KCNK2: variants seen among roughly 807,000 people sequenced by gnomAD.
KCNK2 encodes potassium channel subfamily K member 2.
A neutral mutation model predicts 40.5 loss-of-function variants in KCNK2; 21 were observed. The ratio of observed to expected loss-of-function variants is 0.52; its 90% CI spans 0.37 to 0.75. The LOEUF is 0.75. Ranked by LOEUF, KCNK2 falls within the 30% of genes least tolerant of loss-of-function variation. KCNK2 has a pLI of 0.00. For synonymous variants in KCNK2, 191 were observed against 202.2 expected, an observed-to-expected ratio of 0.94 and a Z score of 0.47; for missense variants, 399 against 531.6, an observed-to-expected ratio of 0.75 and a Z score of 2.45.
chr1:215,198,752 A>G (rs1448862995), intron 6 of KCNK2, among the ~76,000 whole-genome samples: 2 of 152,178 alleles, frequency 1.3e-5, no homozygotes, highest in Admixed American at 1.3e-4. Flanking sequence ...GAATAAAAAC[A>G]CTAAACATTT....
intron 4 of KCNK2, among the ~76,000 whole-genome samples, chr1:215,169,918 T>TTACA (rs1425968789): frequency 6.6e-6 from 1 of 152,142 alleles, no homozygotes; most frequent in Admixed American, 6.6e-5. Flanking sequence ...AGTGCTGGGA[T>TTACA]TACAGGCTTG....
At chr1:215,232,194 T>G (rs573680059) in intron 6 of KCNK2, among the ~76,000 whole-genome samples, 2 of 152,312 alleles carry the variant, frequency 1.3e-5, no homozygotes, top group Non-Finnish European at 2.9e-5. Context: ...TCTATCCAAA[T>G]GTTCATCAAT....
intron 2 of KCNK2, among the ~76,000 whole-genome samples, chr1:215,106,614 G>A (rs1660448739): frequency 6.6e-6 from 1 of 151,992 alleles, no homozygotes; most frequent in Admixed American, 6.6e-5. Flanking sequence ...GTCAATTTTT[G>A]TTTTTGATGC....
intron 3 of KCNK2, among the ~76,000 whole-genome samples, chr1:215,156,100 A>T (rs192278370): frequency 1.3e-4 from 19 of 151,920 alleles, no homozygotes; most frequent in Middle Eastern, 3.4e-3. Context: ...TATATAATGT[A>T]ATCAATCAGT....
rs190419412 is a variant in KCNK2, at chr1:215,043,079, A to C, written c.34+37124A>C. On this transcript the variant is annotated intron_variant, in intron 1 of 6. Transcript: ENST00000391895. The stretch of plus-strand genomic sequence containing the variant: ...ATGTGCCCTCACAGGTCTAGCAGTC[A>C]ATATTCAAATCACTTCTTACAATGC... Among the ~76,000 whole-genome samples the C allele has an allele frequency of 2.0e-4, 31 of 152,332 alleles. 1 individual carries two copies. The highest frequency in any genetic ancestry group is 1.8e-3 in the Admixed American group (28 of 15,300).
At chr1:215,182,974 A>G (rs1664287775) in intron 5 of KCNK2, among the ~76,000 whole-genome samples, 1 of 152,086 alleles carries the variant, frequency 6.6e-6, no homozygotes, top group African/African-American at 2.4e-5. Flanking sequence ...TGCCTCTCTC[A>G]TATCCTGAGG....
intron 6 of KCNK2, among the ~76,000 whole-genome samples, chr1:215,206,360 C>T (rs1183602475): frequency 1.3e-5 from 2 of 151,996 alleles, no homozygotes; most frequent in Non-Finnish European, 2.9e-5. Context: ...TATTGACATT[C>T]AGCTGTTTTT....
intron 5 of KCNK2, among the ~76,000 whole-genome samples, chr1:215,186,506 A>C (rs1054570007): frequency 1.3e-5 from 2 of 152,208 alleles, no homozygotes; most frequent in East Asian, 3.8e-4. Context: ...AGCATAATAC[A>C]TTTCTAATTC....
intron 3 of KCNK2, among the ~76,000 whole-genome samples, chr1:215,146,080 C>CAG (rs1199163591): frequency 2.0e-5 from 3 of 152,116 alleles, no homozygotes. Flanking sequence ...TATCTTTAAA[C>CAG]ACTCGAAATG....
At chr1:215,152,463 T>C (rs1662726051) in intron 3 of KCNK2, among the ~76,000 whole-genome samples, 1 of 152,204 alleles carries the variant, frequency 6.6e-6, no homozygotes, top group South Asian at 2.1e-4. Flanking sequence ...GTTTCTCATA[T>C]GCATGCTGTC....
intron 2 of KCNK2, among the ~76,000 whole-genome samples, chr1:215,096,733 T>C (rs1238621620): frequency 1.3e-5 from 2 of 151,960 alleles, no homozygotes; most frequent in Non-Finnish European, 2.9e-5. Context: ...ATACAACACA[T>C]TTTTAAAGAT....
At chr1:215,152,265 G>T (rs764776586) in intron 3 of KCNK2, among the ~76,000 whole-genome samples, 5 of 152,076 alleles carry the variant, frequency 3.3e-5, no homozygotes, top group Non-Finnish European at 7.4e-5. Context: ...GATAAATTAT[G>T]ATGGAGGTAG....
At chr1:215,078,106 A>G (rs1436010620), upstream of KCNK2, among the ~76,000 whole-genome samples, 3 of 152,218 alleles carry the variant, frequency 2.0e-5, no homozygotes, top group Non-Finnish European at 4.4e-5. Flanking sequence ...CACTAATGTT[A>G]GCTGATGAGC....
intron 3 of KCNK2, among the ~76,000 whole-genome samples, chr1:215,128,924 A>G (rs1018634912): frequency 6.6e-6 from 1 of 152,226 alleles, no homozygotes; most frequent in African/African-American, 2.4e-5. Context: ...ATTTTTAATA[A>G]AAGTGAAGTA....
intron 6 of KCNK2, among the ~76,000 whole-genome samples, chr1:215,204,769 T>C (rs1665242331): frequency 6.6e-6 from 1 of 152,234 alleles, no homozygotes; most frequent in Non-Finnish European, 1.5e-5. Flanking sequence ...AAGATGGCTT[T>C]TTCTAAATGA....
At chr1:215,157,913 GA>G in intron 3 of KCNK2, among the ~76,000 whole-genome samples, 1 of 152,114 alleles carries the variant, frequency 6.6e-6, no homozygotes, top group African/African-American at 2.4e-5. Flanking sequence ...GGAAGAGAGG[GA>G]AGAAAGCATC....
intron 3 of KCNK2, among the ~76,000 whole-genome samples, chr1:215,147,331 T>C (rs75183212): frequency 0.015 from 2,320 of 152,336 alleles, 23 homozygotes; most frequent in Middle Eastern, 0.034. Flanking sequence ...TAAAGTTCCA[T>C]ATATGATTTT....
intron 4 of KCNK2, 53 bp from the exon 5 acceptor site, chr1:215,171,939 TCTCCC>T (rs1663729515): frequency 1.1e-5 from 10 of 936,924 alleles, no homozygotes; most frequent in Admixed American, 5.6e-5. Context: ...TCTCTCTCTC[TCTCCC>T]CCCATTTATA....
At chr1:215,125,848 C>A (rs1157054411) in intron 3 of KCNK2, among the ~76,000 whole-genome samples, 1 of 146,644 alleles carries the variant, frequency 6.8e-6, no homozygotes, top group East Asian at 2.0e-4. Context: ...AGGGTAATAG[C>A]TGCCTTGTTC....
Sources: allele counts gnomAD v4.1 joint callset (sites outside exome capture counted in the v4.1 genomes callset), GRCh38; gene constraint gnomAD v4.1.1; transcripts MANE v1.5; gene names NCBI Gene and HGNC (gene_info 2026-07-23, HGNC 2026-07-21).